The following BABAM2 variants were observed in gnomAD, a reference collection of about 807,000 sequenced individuals.
The protein encoded by BABAM2 is BRISC and BRCA1-A complex member 2.
BABAM2 carries 31 observed loss-of-function variants against 54.7 expected under a neutral mutation model. The ratio of observed to expected loss-of-function variants is 0.57; its 90% CI spans 0.43 to 0.77. The LOEUF (loss-of-function observed/expected upper bound fraction) is 0.77. BABAM2 is among the 30% of genes least tolerant of loss of function. The pLI is 0.00. For synonymous variants in BABAM2, 167 were observed against 162.9 expected, an observed-to-expected ratio of 1.03 and a Z score of -0.19; for missense variants, 364 against 455.8, an observed-to-expected ratio of 0.80 and a Z score of 1.83.
intron 7 of BABAM2, among the ~76,000 whole-genome samples, chr2:28,153,044 G>C (rs1672204370): frequency 6.6e-6 from 1 of 152,116 alleles, no homozygotes; most frequent in African/African-American, 2.4e-5. Context: ...GTAATCACTT[G>C]AGCAGTTTTA....
intron 7 of BABAM2, among the ~76,000 whole-genome samples, chr2:28,186,804 C>T (rs1465264818): frequency 8.0e-6 from 1 of 125,726 alleles, no homozygotes; most frequent in Admixed American, 8.2e-5. Flanking sequence ...ACAAGGAATT[C>T]AACATTTTTT....
chr2:28,203,404 G>A (rs1678490318), intron 7 of BABAM2, among the ~76,000 whole-genome samples: 1 of 152,096 alleles, frequency 6.6e-6, no homozygotes, highest in Non-Finnish European at 1.5e-5. Flanking sequence ...TCCTGCAAAT[G>A]GTTTTCTACT....
chr2:28,063,225 A>G (rs1004066361), intron 6 of BABAM2, among the ~76,000 whole-genome samples: 2 of 152,348 alleles, frequency 1.3e-5, no homozygotes, highest in South Asian at 2.1e-4. Context: ...GTCCAGAACT[A>G]TAAGAAGCTG....
chr2:28,207,222 G>A (rs998834036), intron 7 of BABAM2, among the ~76,000 whole-genome samples: 1 of 152,090 alleles, frequency 6.6e-6, no homozygotes, highest in Non-Finnish European at 1.5e-5. Context: ...ACAAACTTGA[G>A]GCCAGGTGCA....
At chr2:28,016,267 T>G (rs1201691099) in intron 4 of BABAM2, 1 of 911,516 alleles carries the variant, frequency 1.1e-6, no homozygotes, top group Non-Finnish European at 1.8e-6. Context: ...GTTTTTCTAG[T>G]TCTTTCTTCC....
intron 7 of BABAM2, among the ~76,000 whole-genome samples, chr2:28,199,397 T>C (rs1006304977): frequency 2.0e-5 from 3 of 152,252 alleles, no homozygotes; most frequent in Admixed American, 2.0e-4. Flanking sequence ...GCTGTGGATT[T>C]TTCTAGCAGA....
Position 28,025,286 on chromosome 2 carries a change from G to A in BABAM2, c.361G>A (p.Val121Met), listed in dbSNP as rs1399463398. ...TCTCTTACTTGTGGTGAAGGAACTT[G>A]TGCAACAATATCACCAATTCCAATG... ...ECLLLVVKEL[V>M]QQYHQFQCSR... Residue 121 changes from valine to methionine, a missense_variant, in exon 5 of 12, where the codon GTG (valine) becomes ATG (methionine). Val to Met is a conservative substitution (Grantham distance 21, BLOSUM62 1). Transcript: ENST00000379624. The A allele has an allele frequency of 1.2e-5, 19 of 1,611,782 alleles. No homozygotes were observed. The highest frequency in any genetic ancestry group is 1.6e-5 in the Non-Finnish European group (19 of 1,179,462).
At chr2:28,252,404 TC>T (rs1457182006) in intron 10 of BABAM2, among the ~76,000 whole-genome samples, 2 of 152,202 alleles carry the variant, frequency 1.3e-5, no homozygotes, top group African/African-American at 4.8e-5. Flanking sequence ...TACTGAGACT[TC>T]CTTGAAAGTG....
chr2:28,065,767 A>G (rs1663470036), intron 6 of BABAM2, among the ~76,000 whole-genome samples: 1 of 152,166 alleles, frequency 6.6e-6, no homozygotes, highest in South Asian at 2.1e-4. Flanking sequence ...GAAACCTAGG[A>G]CATGAAATTT....
intron 6 of BABAM2, among the ~76,000 whole-genome samples, chr2:28,112,155 C>T (rs376722868): frequency 0.77 from 12,619 of 16,480 alleles, 4,984 homozygotes; most frequent in South Asian, 0.87. Flanking sequence ...CTTTACCTCC[C>T]TCCCTCCCTC....
At chr2:27,924,397 T>G (rs1249452807) in intron 2 of BABAM2, among the ~76,000 whole-genome samples, 1 of 152,050 alleles carries the variant, frequency 6.6e-6, no homozygotes, top group Non-Finnish European at 1.5e-5. Flanking sequence ...ATGCTCTTTT[T>G]TTTTTTAGGC....
intron 3 of BABAM2, among the ~76,000 whole-genome samples, chr2:27,953,327 G>A (rs986964774): frequency 6.6e-6 from 1 of 152,084 alleles, no homozygotes; most frequent in Non-Finnish European, 1.5e-5. Context: ...GGTGGGAGGA[G>A]CCTGAGCTCC....
chr2:28,296,783 A>T (rs1687729563), intron 10 of BABAM2, among the ~76,000 whole-genome samples: 1 of 152,064 alleles, frequency 6.6e-6, no homozygotes, highest in Non-Finnish European at 1.5e-5. Context: ...CGCCTCCCGG[A>T]TTCAAGCGAT....
At chr2:28,084,554 G>GA (rs1045417714) in intron 6 of BABAM2, among the ~76,000 whole-genome samples, 7 of 151,682 alleles carry the variant, frequency 4.6e-5, no homozygotes, top group African/African-American at 9.7e-5. Flanking sequence ...GGCATTGGAA[G>GA]AAAAAAAATG....
At chr2:28,127,891 C>T (rs1669701766) in intron 6 of BABAM2, among the ~76,000 whole-genome samples, 2 of 151,170 alleles carry the variant, frequency 1.3e-5, no homozygotes, top group Non-Finnish European at 1.5e-5. Context: ...ACTGCAAGCT[C>T]CGCCTCCCGG....
At chr2:27,969,712 G>A (rs1486039183) in intron 3 of BABAM2, among the ~76,000 whole-genome samples, 3 of 152,156 alleles carry the variant, frequency 2.0e-5, no homozygotes, top group Admixed American at 6.5e-5. Context: ...ATTTTGCTCT[G>A]CAAGGAGCAT....
chr2:28,240,152 A>T (rs1186638055), intron 8 of BABAM2, among the ~76,000 whole-genome samples: 2 of 150,360 alleles, frequency 1.3e-5, no homozygotes. Flanking sequence ...TTTTAAAGAG[A>T]TGAGGTCGCC....
chr2:28,098,311 A>C (rs1666790206), intron 6 of BABAM2, among the ~76,000 whole-genome samples: 1 of 152,142 alleles, frequency 6.6e-6, no homozygotes, highest in Non-Finnish European at 1.5e-5. Flanking sequence ...CAGAATTATA[A>C]ATGGGGTCTT....
At chr2:28,221,964 G>A (rs1166842999) in intron 7 of BABAM2, among the ~76,000 whole-genome samples, 1 of 152,196 alleles carries the variant, frequency 6.6e-6, no homozygotes, top group Non-Finnish European at 1.5e-5. Context: ...AATGAAATGA[G>A]GAAACATCCA....
Sources: allele counts gnomAD v4.1 joint callset (sites outside exome capture counted in the v4.1 genomes callset), GRCh38; gene constraint gnomAD v4.1.1; transcripts MANE v1.5; gene names NCBI Gene and HGNC (gene_info 2026-07-23, HGNC 2026-07-21).